Variants in STXBP5L observed in about 807,000 individuals in gnomAD.
STXBP5L encodes the protein syntaxin-binding protein 5-like.
A neutral mutation model predicts 144.5 loss-of-function variants in STXBP5L; 65 were observed. That is an observed-to-expected ratio of 0.45 (90% confidence interval 0.37 to 0.55). STXBP5L has a LOEUF of 0.55. STXBP5L is among the 20% of genes least tolerant of loss of function. The pLI is 0.00. For synonymous variants in STXBP5L, 505 were observed against 469.6 expected, an observed-to-expected ratio of 1.08 and a Z score of -0.97; for missense variants, 1,298 against 1,405.5, an observed-to-expected ratio of 0.92 and a Z score of 1.22.
At chr3:121,233,469 G>A (rs1475630555) in intron 11 of STXBP5L, 147 bp from the exon 12 acceptor site, 2 of 493,114 alleles carry the variant, frequency 4.1e-6, no homozygotes, top group Non-Finnish European at 6.9e-6. Context: ...TTTTTTAAGT[G>A]CTCTTTGTTA....
intron 2 of STXBP5L, among the ~76,000 whole-genome samples, chr3:120,931,575 A>T (rs750448076): frequency 6.6e-6 from 1 of 152,208 alleles, no homozygotes; most frequent in Non-Finnish European, 1.5e-5. Context: ...TCTTTTGTTA[A>T]AAAATCAATT....
At chr3:121,230,441 G>T (rs1196134396) in intron 11 of STXBP5L, among the ~76,000 whole-genome samples, 2 of 146,956 alleles carry the variant, frequency 1.4e-5, no homozygotes, top group Non-Finnish European at 3.0e-5. Context: ...TGTACATGCA[G>T]CCAGATACAA....
chr3:121,238,868 A>C, intron 12 of STXBP5L, 103 bp from the exon 13 acceptor site: 1 of 1,180,508 alleles, frequency 8.5e-7, no homozygotes, highest in Non-Finnish European at 1.1e-6. Context: ...AACAAGCAAA[A>C]TTTATAGTGA....
chr3:121,010,924 T>A (rs1302966470), intron 3 of STXBP5L, among the ~76,000 whole-genome samples: 1 of 151,512 alleles, frequency 6.6e-6, no homozygotes, highest in Non-Finnish European at 1.5e-5. Flanking sequence ...AAATAAAAAA[T>A]TCATGTTTAA....
chr3:121,369,352 TTA>T (rs201133855), intron 20 of STXBP5L, among the ~76,000 whole-genome samples: 1 of 151,896 alleles, frequency 6.6e-6, no homozygotes, highest in Non-Finnish European at 1.5e-5. Context: ...TTTTTTTTTT[TTA>T]ATGGTTTCTA....
At chr3:121,402,173 TAATA>T (rs1340168159) in intron 22 of STXBP5L, among the ~76,000 whole-genome samples, 1 of 152,202 alleles carries the variant, frequency 6.6e-6, no homozygotes, top group African/African-American at 2.4e-5. Flanking sequence ...GTCAGGAAGT[TAATA>T]AATGTTTATT....
intron 3 of STXBP5L, among the ~76,000 whole-genome samples, chr3:120,987,650 T>C (rs537803383): frequency 1.3e-5 from 2 of 152,024 alleles, no homozygotes; most frequent in South Asian, 4.1e-4. Flanking sequence ...GCTCGTGGTT[T>C]CACCTCTTAG....
chr3:121,255,416 T>C (rs1166772727), intron 16 of STXBP5L, among the ~76,000 whole-genome samples: 5 of 152,086 alleles, frequency 3.3e-5, no homozygotes, highest in African/African-American at 4.8e-5. Context: ...TTCTCTTTGA[T>C]GTTACATGAG....
At chr3:121,418,976 G>C (rs1411129692) in intron 26 of STXBP5L, 80 bp from the exon 27 acceptor site, 3 of 1,428,888 alleles carry the variant, frequency 2.1e-6, no homozygotes, top group Non-Finnish European at 2.9e-6. Context: ...AGATTTGCAT[G>C]ATTAGCTCAA....
chr3:121,308,307 TCA>T (rs1433455857), intron 19 of STXBP5L, among the ~76,000 whole-genome samples: 11 of 152,184 alleles, frequency 7.2e-5, no homozygotes, highest in Non-Finnish European at 1.5e-5. Context: ...AAAGTATTTT[TCA>T]AAAATGTAGG....
chr3:120,954,003 T>C (rs1486176371), intron 2 of STXBP5L, among the ~76,000 whole-genome samples: 2 of 152,174 alleles, frequency 1.3e-5, no homozygotes, highest in Non-Finnish European at 2.9e-5. Context: ...GAAAGAATTA[T>C]ATTGTGAACA....
intron 5 of STXBP5L, among the ~76,000 whole-genome samples, chr3:121,078,105 G>A (rs1021635120): frequency 4.6e-5 from 7 of 150,660 alleles, no homozygotes; most frequent in African/African-American, 9.8e-5. Flanking sequence ...TAGACACAAA[G>A]GTTCTCCAAG....
At chr3:120,981,881 G>T (rs1941811305) in intron 3 of STXBP5L, among the ~76,000 whole-genome samples, 1 of 152,120 alleles carries the variant, frequency 6.6e-6, no homozygotes, top group Non-Finnish European at 1.5e-5. Context: ...CCTGTATGTT[G>T]TGTATGATTG....
At chr3:121,021,780 G>A (rs578105694) in intron 3 of STXBP5L, among the ~76,000 whole-genome samples, 60 of 152,278 alleles carry the variant, frequency 3.9e-4, no homozygotes, top group African/African-American at 1.2e-3. Flanking sequence ...TAAGAGGAAA[G>A]TTCATAGCAT....
intron 18 of STXBP5L, among the ~76,000 whole-genome samples, chr3:121,268,805 C>A (rs1028319448): frequency 4.6e-5 from 7 of 151,956 alleles, no homozygotes; most frequent in African/African-American, 1.5e-4. Flanking sequence ...TGCTTTTGGA[C>A]AGCTGTATGA....
At chr3:121,219,150 G>A (rs940861250) in intron 10 of STXBP5L, among the ~76,000 whole-genome samples, 1 of 152,008 alleles carries the variant, frequency 6.6e-6, no homozygotes, top group African/African-American at 2.4e-5. Flanking sequence ...TCTGTTTTTT[G>A]TGATTACTAC....
chr3:121,170,297 A>G (rs1448924919), intron 9 of STXBP5L, among the ~76,000 whole-genome samples: 3 of 152,170 alleles, frequency 2.0e-5, no homozygotes, highest in Non-Finnish European at 4.4e-5. Context: ...TAGAGAAGCA[A>G]GAGGAAACAT....
chr3:121,139,150 A>G (rs1388244957), intron 7 of STXBP5L, among the ~76,000 whole-genome samples: 1 of 152,044 alleles, frequency 6.6e-6, no homozygotes, highest in African/African-American at 2.4e-5. Context: ...TATGGAAAGA[A>G]TGAGTTTTAG....
At chr3:121,055,887 C>A (rs983149496) in intron 5 of STXBP5L, among the ~76,000 whole-genome samples, 1 of 143,778 alleles carries the variant, frequency 7.0e-6, no homozygotes, top group African/African-American at 2.6e-5. Flanking sequence ...GAAACAGATT[C>A]TCTCCATGTT....
Sources: gnomAD v4.1 joint callset for allele counts (sites outside exome capture counted in the v4.1 genomes callset) on GRCh38, gnomAD v4.1.1 for gene constraint, MANE v1.5 for transcripts, NCBI Gene and HGNC (gene_info 2026-07-23, HGNC 2026-07-21) for gene names.